Variants in LIX1 observed in about 807,000 individuals in gnomAD.
The protein encoded by LIX1 is limb and CNS expressed 1.
A neutral mutation model predicts 33.4 loss-of-function variants in LIX1; 24 were observed. The ratio of observed to expected loss-of-function variants is 0.72; its 90% confidence interval spans 0.52 to 1.01. LIX1 has a LOEUF of 1.01. Among genes scored for constraint, LIX1 ranks in the 50% least tolerant of loss-of-function variants. The pLI, the probability that LIX1 is intolerant of heterozygous loss-of-function variation, is 0.00. For synonymous variants in LIX1, 124 were observed against 124.0 expected, an observed-to-expected ratio of 1.00 and a Z score of 0.00; for missense variants, 311 against 339.2, an observed-to-expected ratio of 0.92 and a Z score of 0.65.
intron 1 of LIX1, among the ~76,000 whole-genome samples, chr5:97,134,825 C>T (rs924329172): frequency 2.0e-5 from 3 of 152,180 alleles, no homozygotes; most frequent in Non-Finnish European, 4.4e-5. Flanking sequence ...TGTGGACACA[C>T]AGGGTACAAC....
rs368620363 is a variant in LIX1, at chr5:97,123,139, G to C, written c.246+1327C>G. ...TTCTTTTATTTCCCCCACTAAAACTGTTCCTAAGAGCATTCCTTGATCATC... is the reference window on the plus strand; with the variant it reads ...TTCTTTTATTTCCCCCACTAAAACTCTTCCTAAGAGCATTCCTTGATCATC... On this transcript the variant is annotated intron_variant, in intron 2 of 5. Coordinates refer to ENST00000274382, the MANE Select transcript of LIX1 (RefSeq NM_153234.5). Among the ~76,000 whole-genome samples, 22 of 152,258 alleles carry C rather than the reference G, an allele frequency of 1.4e-4. No individual in the cohort carries two copies. In the East Asian group the frequency reaches 2.1e-3, roughly 15 times the overall value.
chr5:97,134,161 C>T lies in LIX1; in HGVS notation c.82+8334G>A, dbSNP rs868091372. Among the ~76,000 whole-genome samples the T allele has an allele frequency of 9.2e-5, 14 of 152,334 alleles. 1 individual carries two copies. The highest frequency in any genetic ancestry group is 1.9e-4 in the East Asian group (1 of 5,186). ...TTGAGATGGAGTTTTACTTTTGTCG[C>T]CCAGCTGGTGTGTAATGGAGCTTTC... is the stretch of plus-strand genomic sequence containing the variant. On this transcript the variant is annotated intron_variant, in intron 1 of 5. Coordinates refer to ENST00000274382, the MANE Select transcript of LIX1 (RefSeq NM_153234.5).
intron 1 of LIX1, among the ~76,000 whole-genome samples, chr5:97,135,691 C>G (rs578073507): frequency 6.6e-6 from 1 of 151,914 alleles, no homozygotes; most frequent in Non-Finnish European, 1.5e-5. Flanking sequence ...CAGTAGTGGG[C>G]GCCTGTAATC....
chr5:97,137,037 T>G, intron 1 of LIX1: 1 of 383,972 alleles, frequency 2.6e-6, no homozygotes, highest in Non-Finnish European at 5.1e-6. Flanking sequence ...ATTTCTTAAA[T>G]CAATCTGTAG....
At chr5:97,101,305 T>G (rs1700223775) in intron 4 of LIX1, among the ~76,000 whole-genome samples, 1 of 152,236 alleles carries the variant, frequency 6.6e-6, no homozygotes, top group African/African-American at 2.4e-5. Context: ...ATGTGTCACT[T>G]GCCTAGCCCT....
At chr5:97,129,374 AAT>A (rs754903997) in intron 1 of LIX1, among the ~76,000 whole-genome samples, 12 of 152,194 alleles carry the variant, frequency 7.9e-5, no homozygotes, top group Non-Finnish European at 1.5e-4. Context: ...GGCCTTCTGA[AAT>A]ATAATCTGCT....
chr5:97,100,731 C>T (rs1299926927), intron 4 of LIX1, among the ~76,000 whole-genome samples: 1 of 151,886 alleles, frequency 6.6e-6, no homozygotes, highest in Non-Finnish European at 1.5e-5. Flanking sequence ...TTCTTTGCTG[C>T]CTGGTGTTCG....
At chr5:97,142,128 A>G (rs1418349049) in intron 1 of LIX1, among the ~76,000 whole-genome samples, 1 of 152,260 alleles carries the variant, frequency 6.6e-6, no homozygotes, top group African/African-American at 2.4e-5. Context: ...TAAACAGGTT[A>G]ACAAATATTG....
intron 4 of LIX1, 127 bp from the exon 5 acceptor site, chr5:97,097,014 TGGGACTTTCCCAAGCCCA>T (rs1746415162): frequency 1.3e-6 from 1 of 751,014 alleles, no homozygotes; most frequent in African/African-American, 1.8e-5. Context: ...CACAACACTT[TGGGACTTTCCCAAGCCCA>T]GGGTCCCAGG....
chr5:97,127,591 T>C (rs995619482), intron 1 of LIX1, among the ~76,000 whole-genome samples: 4 of 152,176 alleles, frequency 2.6e-5, no homozygotes, highest in African/African-American at 9.7e-5. Context: ...GATGGGTATA[T>C]CAGAAAATGC....
intron 2 of LIX1, among the ~76,000 whole-genome samples, chr5:97,122,064 A>G (rs571194347): frequency 5.5e-4 from 84 of 152,222 alleles, no homozygotes; most frequent in Non-Finnish European, 9.4e-4. Context: ...GGTTACATCA[A>G]GCTCTGTTCT....
At chr5:97,139,893 G>A (rs1356579300) in intron 1 of LIX1, among the ~76,000 whole-genome samples, 1 of 152,164 alleles carries the variant, frequency 6.6e-6, no homozygotes. Context: ...AAAATAAAAT[G>A]ACAGGTTTAA....
intron 1 of LIX1, among the ~76,000 whole-genome samples, chr5:97,132,714 C>A (rs534286246): frequency 2.6e-4 from 40 of 152,290 alleles, no homozygotes; most frequent in Admixed American, 4.6e-4. Flanking sequence ...GCTGTGCTGC[C>A]TGTGGTGGCT....
intron 4 of LIX1, among the ~76,000 whole-genome samples, chr5:97,103,692 A>T (rs57415038): frequency 6.6e-6 from 1 of 152,322 alleles, no homozygotes; most frequent in African/African-American, 2.4e-5. Flanking sequence ...AAGGCCGGGC[A>T]CGGTGGCTCA....
chr5:97,126,881 G>A (rs890993499), intron 1 of LIX1, among the ~76,000 whole-genome samples: 2 of 151,946 alleles, frequency 1.3e-5, no homozygotes, highest in East Asian at 1.9e-4. Context: ...CTTGTGATCC[G>A]CCCATCTCGG....
At chr5:97,107,606 C>T (rs1450665935) in intron 2 of LIX1, 106 bp from the exon 3 acceptor site, 16 of 1,228,456 alleles carry the variant, frequency 1.3e-5, no homozygotes, top group South Asian at 1.1e-4. Context: ...ATTTACTGTC[C>T]GCATCTATTC....
At chr5:97,097,030 C>T (rs1013364290) in intron 4 of LIX1, 143 bp from the exon 5 acceptor site, 2 of 649,280 alleles carry the variant, frequency 3.1e-6, no homozygotes, top group South Asian at 1.9e-5. Context: ...TTTCCCAAGC[C>T]CAGGGTCCCA....
intron 2 of LIX1, among the ~76,000 whole-genome samples, chr5:97,123,678 A>G (rs980946684): frequency 6.6e-6 from 1 of 152,208 alleles, no homozygotes; most frequent in Non-Finnish European, 1.5e-5. Context: ...GATTTTATAT[A>G]GAATAAAACC....
chr5:97,140,899 T>C (rs913254484), intron 1 of LIX1, among the ~76,000 whole-genome samples: 5 of 152,318 alleles, frequency 3.3e-5, no homozygotes, highest in African/African-American at 9.6e-5. Context: ...TGTTAATGAA[T>C]GAAATATATA....
Sources: allele counts gnomAD v4.1 joint callset (sites outside exome capture counted in the v4.1 genomes callset), GRCh38; gene constraint gnomAD v4.1.1; transcripts MANE v1.5; gene names NCBI Gene and HGNC (gene_info 2026-07-23, HGNC 2026-07-21).